The following MYO5B variants were observed in gnomAD, a reference collection of about 807,000 sequenced individuals.
The protein encoded by MYO5B is myosin VB.
Under a neutral mutation model 229.3 loss-of-function variants are expected in MYO5B, and 143 were observed. That is an observed-to-expected ratio of 0.62 (90% confidence interval 0.54 to 0.72). MYO5B has a LOEUF of 0.72. MYO5B is among the 30% of genes least tolerant of loss of function. The pLI, the probability that MYO5B is intolerant of heterozygous loss-of-function variation, is 0.00. For synonymous variants in MYO5B, 918 were observed against 885.2 expected (o/e 1.04, Z -0.66); for missense variants, 2,321 against 2,331.0 (o/e 1.00, Z 0.09).
rs1295510735 is a variant in MYO5B at position 49,864,412 on chromosome 18, C to T, written c.3604-32G>A. On this transcript the variant is annotated intron_variant, in intron 27 of 39. Transcript: ENST00000285039. ...GACAGCCCAAGGGCCGCTGCCATTA[C>T]TCCCTGCCCTAGGGCTCTCTCCCTG... 6 of 1,610,736 alleles carry T rather than the reference C, an allele frequency of 3.7e-6. No individual in the cohort carries two copies. In the South Asian group the frequency reaches 4.4e-5, roughly 12 times the overall value.
rs780834125 is a variant in MYO5B at position 49,937,341 on chromosome 18, G to A, written c.1809C>T (p.Thr603=). ...TCTTCGAAGATGACCCCTTCCCAGG[G>A]GTGGTGGCAGGAACAGGGTCCTTGT... ...HDDKDPVPAT[T]PGKGSSSKIS... Residue 603 remains threonine (T), a synonymous_variant, in exon 15 of 40, where the codon ACC becomes ACT. Coordinates refer to ENST00000285039, the MANE Select transcript of MYO5B (RefSeq NM_001080467.3). 1 of 1,614,124 alleles carries A rather than the reference G, an allele frequency of 6.2e-7. No homozygotes were observed. The highest frequency in any genetic ancestry group is 8.5e-7 in the Non-Finnish European group (1 of 1,179,990).
chr18:50,051,810 G>A (rs1160085677), intron 2 of MYO5B, among the ~76,000 whole-genome samples: 1 of 152,230 alleles, frequency 6.6e-6, no homozygotes, highest in African/African-American at 2.4e-5. Flanking sequence ...ACTTCTGTGA[G>A]GTACCTGGGA....
At chr18:50,001,171 G>A in intron 5 of MYO5B, 84 bp downstream of exon 5, 1 of 1,569,706 alleles carries the variant, frequency 6.4e-7, no homozygotes, top group Non-Finnish European at 8.8e-7. Context: ...CGTGAAGGCT[G>A]CCACCCAGGC....
chr18:49,903,272 T>G (rs78708122), intron 20 of MYO5B, among the ~76,000 whole-genome samples: 1 of 147,364 alleles, frequency 6.8e-6, no homozygotes. Context: ...TAATTCACTG[T>G]TTTTTTTTTT....
At chr18:49,925,200 CATG>C in intron 17 of MYO5B, among the ~76,000 whole-genome samples, 1 of 152,380 alleles carries the variant, frequency 6.6e-6, no homozygotes, top group East Asian at 1.9e-4. Context: ...AGTTCATCTG[CATG>C]ATAAAACCCT....
intron 9 of MYO5B, among the ~76,000 whole-genome samples, chr18:49,978,394 T>G (rs954292448): frequency 2.6e-5 from 4 of 152,138 alleles, no homozygotes; most frequent in African/African-American, 7.2e-5. Flanking sequence ...CTTACAGGCT[T>G]AAGCCTTAAT....
intron 20 of MYO5B, among the ~76,000 whole-genome samples, chr18:49,903,153 T>C (rs1316197578): frequency 6.6e-6 from 1 of 152,164 alleles, no homozygotes; most frequent in Non-Finnish European, 1.5e-5. Context: ...ACTTGCTCTC[T>C]ACCCATTTAC....
intron 12 of MYO5B, among the ~76,000 whole-genome samples, chr18:49,955,090 A>G (rs530249588): frequency 1.3e-5 from 2 of 152,286 alleles, no homozygotes; most frequent in South Asian, 4.1e-4. Context: ...TACGTTGCTT[A>G]TGTGTCCCTG....
intron 14 of MYO5B, among the ~76,000 whole-genome samples, chr18:49,940,364 C>T (rs1029527261): frequency 6.6e-6 from 1 of 152,126 alleles, no homozygotes; most frequent in African/African-American, 2.4e-5. Flanking sequence ...GTGCTGGTGG[C>T]ATACTAGAAC....
chr18:50,076,285 G>A (rs1247927356), intron 1 of MYO5B, among the ~76,000 whole-genome samples: 1 of 152,188 alleles, frequency 6.6e-6, no homozygotes. Flanking sequence ...GAGCTGAACT[G>A]TAAGCTGACA....
In MYO5B at chr18:50,182,538, C is replaced by T. The variant is rs571261431; in HGVS notation, c.27+12229G>A. ...CGTGTAAAATTAGGATATTCAAACA[C>T]AAGGCAGTTAAATTAACTCTCACAT... is the stretch of plus-strand genomic sequence containing the variant. On this transcript the variant is annotated intron_variant, in intron 1 of 39. Transcript: ENST00000285039. Among the ~76,000 whole-genome samples the T allele has an allele frequency of 2.3e-3, 345 of 152,326 alleles. 1 individual carries two copies. Among genetic ancestry groups the T allele is most frequent in the Non-Finnish European group, 4.1e-3 (277 of 68,020 alleles).
intron 12 of MYO5B, among the ~76,000 whole-genome samples, chr18:49,956,986 T>C (rs962820367): frequency 9.9e-5 from 15 of 152,078 alleles, no homozygotes; most frequent in Admixed American, 5.2e-4. Context: ...AAATTGACTG[T>C]GGTTGGTAAT....
At position 49,838,213 on chromosome 18, in the gene MYO5B, G is replaced by GT. The variant is rs1182363126; in HGVS notation, c.4853-412dup. Among the ~76,000 whole-genome samples the GT allele has an allele frequency of 1.1e-4, 17 of 152,194 alleles. 1 individual carries two copies. The highest frequency in any genetic ancestry group is 4.8e-5 in the African/African-American group (2 of 41,448). ...CTATGCACCAGGGGCTTTATGTTCAGTATCTCTTTCAATCTTCCAACAACT... is the reference window on the plus strand; with the variant it reads ...CTATGCACCAGGGGCTTTATGTTCAGTTATCTCTTTCAATCTTCCAACAACT... On this transcript the variant is annotated intron_variant, in intron 36 of 39. Transcript: ENST00000285039.
intron 1 of MYO5B, among the ~76,000 whole-genome samples, chr18:50,150,908 C>A (rs996392508): frequency 3.9e-5 from 6 of 152,226 alleles, no homozygotes; most frequent in African/African-American, 1.4e-4. Context: ...ACAGTCACAG[C>A]TCCATACTCA....
chr18:50,184,923 T>C (rs1462849843), intron 1 of MYO5B, among the ~76,000 whole-genome samples: 2 of 150,072 alleles, frequency 1.3e-5, no homozygotes, highest in African/African-American at 4.9e-5. Flanking sequence ...TATATTATTT[T>C]TAAGTTAGCT....
intron 1 of MYO5B, among the ~76,000 whole-genome samples, chr18:50,069,681 G>T (rs1192276501): frequency 6.6e-6 from 1 of 152,082 alleles, no homozygotes; most frequent in Non-Finnish European, 1.5e-5. Context: ...GGAAGCACAG[G>T]GATTCTTAGA....
intron 4 of MYO5B, among the ~76,000 whole-genome samples, chr18:50,026,704 T>C (rs2026335117): frequency 6.6e-6 from 1 of 152,250 alleles, no homozygotes; most frequent in Admixed American, 6.5e-5. Flanking sequence ...ACGACACCTA[T>C]GATGTGCCAT....
At chr18:50,039,577 C>A (rs899884905) in intron 3 of MYO5B, among the ~76,000 whole-genome samples, 1 of 152,092 alleles carries the variant, frequency 6.6e-6, no homozygotes, top group African/African-American at 2.4e-5. Context: ...GTGATCCGCC[C>A]GCCTCGGCCT....
chr18:49,837,885 G>A (rs780336129), intron 36 of MYO5B, 83 bp from the exon 37 acceptor site: 32 of 1,532,926 alleles, frequency 2.1e-5, no homozygotes, highest in African/African-American at 9.5e-5. Flanking sequence ...TTAGTGCTCC[G>A]GGCTTTAGCA....
Sources: gnomAD v4.1 joint callset for allele counts (sites outside exome capture counted in the v4.1 genomes callset) on GRCh38, gnomAD v4.1.1 for gene constraint, MANE v1.5 for transcripts, NCBI Gene and HGNC (gene_info 2026-07-23, HGNC 2026-07-21) for gene names.